TMX4: variants seen among roughly 807,000 people sequenced by gnomAD.
TMX4 encodes the protein thioredoxin-related transmembrane protein 4.
Under a neutral mutation model 33.3 loss-of-function variants are expected in TMX4, and 23 were observed. The observed-to-expected ratio is 0.69, with a 90% CI of 0.50 to 0.98. TMX4 has a LOEUF of 0.98. Ranked by LOEUF, TMX4 falls within the 50% of genes least tolerant of loss-of-function variation. The pLI is 0.00. For missense variants in TMX4, 399 were observed against 448.9 expected (o/e 0.89, Z 1.01); for synonymous variants, 164 against 161.5 (o/e 1.02, Z -0.12).
chr20:8,019,432 ACT>A lies in TMX4; in HGVS notation c.176+4_176+5del. 6.6e-7 allele frequency: 1 copy of A among 1,515,286 alleles called. No individual in the cohort carries two copies. The highest frequency in any genetic ancestry group is 8.8e-7 in the Non-Finnish European group (1 of 1,131,052). The allele number at this position is 1,515,286 out of a possible 1,614,324, so 93.9% of individuals were successfully genotyped here. A position where few individuals can be genotyped will look rare whatever the true frequency, so the allele number is the denominator to read the frequency against. The stretch of plus-strand genomic sequence containing the variant: ...TGCGGCGTCCGGGGCGGGCGGGCAC[ACT>A]CACAATTTCAGCATCCACTCGCCCT... On this transcript the variant is annotated splice_donor_5th_base_variant and intron_variant, in intron 1 of 7. Coordinates refer to ENST00000246024, the MANE Select transcript of TMX4 (RefSeq NM_021156.4).
intron 1 of TMX4, among the ~76,000 whole-genome samples, chr20:8,016,797 G>A (rs145041315): frequency 1.4e-4 from 22 of 152,144 alleles, no homozygotes; most frequent in Non-Finnish European, 2.4e-4. Flanking sequence ...TTTTGATATC[G>A]GAAAGCTTCT....
At chr20:8,018,099 G>A (rs916840993) in intron 1 of TMX4, among the ~76,000 whole-genome samples, 1 of 151,546 alleles carries the variant, frequency 6.6e-6, no homozygotes, top group African/African-American at 2.4e-5. Flanking sequence ...GCACCTGCTT[G>A]CAATTTAAAT....
chr20:8,003,417 T>C (rs2050715483), intron 2 of TMX4, among the ~76,000 whole-genome samples: 2 of 152,190 alleles, frequency 1.3e-5, no homozygotes, highest in African/African-American at 4.8e-5. Flanking sequence ...TCACTTAAAG[T>C]GATTTTTTAA....
chr20:7,998,589 C>T (rs78695771), intron 4 of TMX4, among the ~76,000 whole-genome samples: 2,081 of 152,238 alleles, frequency 0.014, 55 homozygotes, highest in East Asian at 0.065. Context: ...CCCTGCATGA[C>T]CTGGCTTCAG....
intron 6 of TMX4, among the ~76,000 whole-genome samples, chr20:7,985,796 C>G (rs1260308291): frequency 6.6e-6 from 1 of 152,226 alleles, no homozygotes; most frequent in African/African-American, 2.4e-5. Flanking sequence ...CTCCTTTCTT[C>G]AGGCCAAGCC....
Position 7,982,466 on chromosome 20 carries a change from C to G in TMX4, c.835G>C (p.Glu279Gln). Residue 279 changes from glutamate (E) to glutamine (Q), a missense_variant, in exon 8 of 8, where the codon GAA becomes CAA. Glu to Gln is a conservative substitution (Grantham distance 29, BLOSUM62 2). Coordinates refer to ENST00000246024, the MANE Select transcript of TMX4 (RefSeq NM_021156.4). ...DLGDEDEAEE[E>Q]EEEDNLAAGV... is the part of the protein sequence containing the mutation. ...GCAGCCAAGTTGTCCTCCTCCTCTTCTTCCTCTGCTTCATCCTCATCGCCA... is the reference window on the plus strand; with the variant it reads ...GCAGCCAAGTTGTCCTCCTCCTCTTGTTCCTCTGCTTCATCCTCATCGCCA... The G allele has an allele frequency of 6.2e-7, 1 of 1,614,160 alleles. No homozygotes were observed. Among genetic ancestry groups the G allele is most frequent in the African/African-American group, 1.3e-5 (1 of 75,054 alleles).
Position 8,003,981 on chromosome 20 carries a change from T to A in TMX4, c.293-2440A>T, listed in dbSNP as rs1377753278. On this transcript the variant is annotated intron_variant, in intron 2 of 7. Coordinates refer to ENST00000246024, the MANE Select transcript of TMX4 (RefSeq NM_021156.4). ...GCACCCAACTCAGACACGAGTTCAG[T>A]TTGCTGTCTGGAATAATATTCTGTC... 2.0e-5 allele frequency among the ~76,000 whole-genome samples: 3 copies of A among 152,072 alleles called. No individual in the cohort carries two copies. The East Asian group carries it at 5.8e-4, about 29-fold the overall frequency.
intron 1 of TMX4, among the ~76,000 whole-genome samples, chr20:8,015,180 G>A (rs2050769168): frequency 6.6e-6 from 1 of 152,160 alleles, no homozygotes; most frequent in African/African-American, 2.4e-5. Context: ...TGGTAAGGAT[G>A]ACAAGTTTTA....
rs1418139301 is a variant in TMX4 at position 7,990,995 on chromosome 20, TGAG to T, written c.514-3609_514-3607del. ...AAACATTTTTATACGAAAAAAACAT[TGAG>T]AAGAGGCATGCTATGTAAATCACAG... is the stretch of plus-strand genomic sequence containing the variant. On this transcript the variant is annotated intron_variant, in intron 5 of 7. Coordinates refer to ENST00000246024, the MANE Select transcript of TMX4 (RefSeq NM_021156.4). Among the ~76,000 whole-genome samples the T allele has an allele frequency of 4.6e-5, 7 of 152,336 alleles. No homozygotes were observed. The South Asian group carries it at 8.3e-4, about 18-fold the overall frequency.
rs1245820911 is a variant in TMX4, at chr20:8,019,563, C to G, written c.51G>C (p.Trp17Cys). 6 of 1,425,094 alleles carry G rather than the reference C, an allele frequency of 4.2e-6. No homozygotes were observed. The highest frequency in any genetic ancestry group is 5.5e-6 in the Non-Finnish European group (6 of 1,090,172). 88.3% of individuals were successfully genotyped at this position (1,425,094 alleles called of 1,614,324 possible). A position where few individuals can be genotyped will look rare whatever the true frequency, so the allele number is the denominator to read the frequency against. ...GPQLTALLAA[W>C]IAAVAATAGP... ...CTGCCGTCGCCGCCACAGCCGCGAT[C>G]CAGGCGGCCAGGAGCGCCGTTAGCT... Residue 17 changes from tryptophan to cysteine, a missense_variant, in exon 1 of 8, where the codon TGG becomes TGC. By Grantham distance (215) the Trp-to-Cys change is radical. Coordinates refer to ENST00000246024, the MANE Select transcript of TMX4 (RefSeq NM_021156.4).
intron 1 of TMX4, among the ~76,000 whole-genome samples, chr20:8,016,268 AG>A (rs2050775054): frequency 6.6e-6 from 1 of 152,182 alleles, no homozygotes; most frequent in Non-Finnish European, 1.5e-5. Flanking sequence ...GCTACTTGGG[AG>A]GCTGAGGCAG....
chr20:7,993,980 T>C (rs575096045), intron 5 of TMX4, among the ~76,000 whole-genome samples: 1 of 152,164 alleles, frequency 6.6e-6, no homozygotes, highest in East Asian at 1.9e-4. Flanking sequence ...AAGATTTATT[T>C]AAAACATAAT....
At chr20:8,001,618 C>A (rs1021435903) in intron 2 of TMX4, 77 bp from the exon 3 acceptor site, 170 of 1,343,868 alleles carry the variant, frequency 1.3e-4, no homozygotes, top group Non-Finnish European at 2.5e-5. Flanking sequence ...CTTTCATAAT[C>A]ACATTATTAA....
chr20:7,985,277 ATTTT>A (rs1214396295), intron 6 of TMX4, among the ~76,000 whole-genome samples: 2 of 110,542 alleles, frequency 1.8e-5, no homozygotes, highest in South Asian at 3.0e-4. Context: ...ATATATATAT[ATTTT>A]TTTTTTTTTT....
At position 7,985,054 on chromosome 20, in the gene TMX4, T is replaced by C. The variant is rs13045352; in HGVS notation, c.616-1197A>G. Among the ~76,000 whole-genome samples, 553 of 152,182 alleles carry C rather than the reference T, an allele frequency of 3.6e-3. 4 individuals carry two copies. The highest frequency in any genetic ancestry group is 4.9e-3 in the Non-Finnish European group (336 of 67,996). On this transcript the variant is annotated intron_variant, in intron 6 of 7. Transcript: ENST00000246024. ...ATCATCCTAGAAGTTAACAAAAATG[T>C]CATTCTGGAATAGGTGATTTAAATT... is the stretch of plus-strand genomic sequence containing the variant.
At chr20:8,013,184 A>T (rs567419308) in intron 1 of TMX4, among the ~76,000 whole-genome samples, 27 of 152,284 alleles carry the variant, frequency 1.8e-4, no homozygotes, top group Non-Finnish European at 3.1e-4. Flanking sequence ...TGCATAAATT[A>T]AACACATCAG....
intron 2 of TMX4, among the ~76,000 whole-genome samples, chr20:8,009,383 A>T (rs955267786): frequency 3.3e-5 from 5 of 152,142 alleles, no homozygotes; most frequent in African/African-American, 1.2e-4. Flanking sequence ...CTCTGGAACC[A>T]CAGTGAAATA....
intron 1 of TMX4, 138 bp downstream of exon 1, chr20:8,019,300 G>A (rs911965055): frequency 8.4e-6 from 9 of 1,066,750 alleles, no homozygotes; most frequent in African/African-American, 5.1e-5. Flanking sequence ...CACCGGCGCC[G>A]CAGGTTGTTG....
intron 5 of TMX4, among the ~76,000 whole-genome samples, chr20:7,993,767 A>G (rs1350678609): frequency 6.6e-6 from 1 of 150,480 alleles, no homozygotes; most frequent in African/African-American, 2.5e-5. Flanking sequence ...GATTTCACAA[A>G]TTATTAAGGT....
Sources: allele counts gnomAD v4.1 joint callset (sites outside exome capture counted in the v4.1 genomes callset), GRCh38; gene constraint gnomAD v4.1.1; transcripts MANE v1.5; gene names NCBI Gene and HGNC (gene_info 2026-07-23, HGNC 2026-07-21).